PHF21B: variants seen among roughly 807,000 people sequenced by gnomAD.
PHF21B encodes the protein PHD finger protein 21B.
Under a neutral mutation model 62.2 loss-of-function variants are expected in PHF21B, and 22 were observed. The observed-to-expected ratio is 0.35, with a 90% CI of 0.25 to 0.51. The LOEUF is 0.51. PHF21B is among the 20% of genes least tolerant of loss of function. PHF21B has a pLI of 0.97. For missense variants in PHF21B, 701 were observed against 707.9 expected (o/e 0.99, Z 0.11); for synonymous variants, 341 against 314.7 (o/e 1.08, Z -0.88).
At chr22:44,937,518 G>A (rs570300387) in intron 2 of PHF21B, among the ~76,000 whole-genome samples, 1 of 152,316 alleles carries the variant, frequency 6.6e-6, no homozygotes, top group African/African-American at 2.4e-5. Flanking sequence ...AAATAGTTGG[G>A]TCATTTCTTA....
At chr22:44,962,679 C>G (rs2072447674) in intron 2 of PHF21B, among the ~76,000 whole-genome samples, 1 of 152,218 alleles carries the variant, frequency 6.6e-6, no homozygotes. Flanking sequence ...CTGACAAATA[C>G]AAGCTGGGTC....
intron 2 of PHF21B, among the ~76,000 whole-genome samples, chr22:45,005,208 T>C (rs750924751): frequency 1.1e-4 from 17 of 152,270 alleles, no homozygotes; most frequent in South Asian, 2.1e-4. Flanking sequence ...GAGCAGCTAA[T>C]GGAGTCTTCA....
In PHF21B at chr22:44,896,174, G is replaced by C; in HGVS notation, c.832-91C>G. 1.3e-5 allele frequency: 18 copies of C among 1,414,194 alleles called. No individual in the cohort carries two copies. In the South Asian group the frequency reaches 2.0e-4, roughly 15 times the overall value. 87.6% of individuals were successfully genotyped at this position (1,414,194 alleles called of 1,614,324 possible). ...ACATCTGCTGTGGCAGGTGCAGGGC[G>C]ATACCTCATGGGTGCCCTAACCACA... On this transcript the variant is annotated intron_variant, in intron 5 of 12. Coordinates refer to ENST00000313237, the MANE Select transcript of PHF21B (RefSeq NM_138415.5).
intron 2 of PHF21B, among the ~76,000 whole-genome samples, chr22:44,968,504 C>T (rs895412033): frequency 3.3e-5 from 5 of 151,946 alleles, no homozygotes; most frequent in African/African-American, 1.2e-4. Context: ...AGTAGCCGAG[C>T]GTGGTGGCAC....
chr22:44,926,055 C>A (rs1432341046), intron 2 of PHF21B, among the ~76,000 whole-genome samples: 1 of 66,686 alleles, frequency 1.5e-5, no homozygotes, highest in Non-Finnish European at 4.3e-5. Context: ...CGTGGCCCGG[C>A]CTGCAGTGGA....
At chr22:44,940,236 C>T (rs765342013) in intron 2 of PHF21B, among the ~76,000 whole-genome samples, 38 of 152,322 alleles carry the variant, frequency 2.5e-4, no homozygotes, top group Non-Finnish European at 4.7e-4. Flanking sequence ...CAAGCCTGTC[C>T]ACACCCTCCA....
intron 2 of PHF21B, among the ~76,000 whole-genome samples, chr22:44,947,971 G>GCCTCCACCCCGCTGTTGTC (rs2072109363): frequency 7.3e-6 from 1 of 136,552 alleles, no homozygotes; most frequent in Non-Finnish European, 1.6e-5. Context: ...GGGCGCCAGA[G>GCCTCCACCCCGCTGTTGTC]CCTCCTCCCC....
chr22:44,995,543 C>T (rs1284470694), intron 2 of PHF21B, among the ~76,000 whole-genome samples: 1 of 152,148 alleles, frequency 6.6e-6, no homozygotes, highest in Non-Finnish European at 1.5e-5. Flanking sequence ...TCCCAGGAGT[C>T]TGGGGCTCAC....
At chr22:44,897,648 T>C (rs902715610) in intron 5 of PHF21B, among the ~76,000 whole-genome samples, 5 of 152,188 alleles carry the variant, frequency 3.3e-5, no homozygotes, top group Admixed American at 3.3e-4. Context: ...TTATCTTTTA[T>C]TTATGGGGCT....
chr22:44,954,870 G>C lies in PHF21B; in HGVS notation c.121-34380C>G, dbSNP rs1341615533. Reference sequence around the variant, plus strand: ...TCCGAAGTCGGGCTTTGAAGGAAGAGGCAAATCTTGCCAGGTGGCACAGAG... The same window carrying C: ...TCCGAAGTCGGGCTTTGAAGGAAGACGCAAATCTTGCCAGGTGGCACAGAG... On this transcript the variant is annotated intron_variant, in intron 2 of 12. Transcript: ENST00000313237. 2.6e-5 allele frequency among the ~76,000 whole-genome samples: 4 copies of C among 152,334 alleles called. No individual in the cohort carries two copies. In the South Asian group the frequency reaches 8.3e-4, roughly 32 times the overall value.
At chr22:44,957,402 C>T (rs1045042395) in intron 2 of PHF21B, among the ~76,000 whole-genome samples, 7 of 152,234 alleles carry the variant, frequency 4.6e-5, no homozygotes, top group African/African-American at 9.6e-5. Context: ...CCTGGGCTGC[C>T]GCACAGGGCT....
At chr22:45,007,704 AGCGCGGGGAAGGGGCGGGTG>A (rs1245877727) in intron 2 of PHF21B, among the ~76,000 whole-genome samples, 5 of 28,064 alleles carry the variant, frequency 1.8e-4, no homozygotes, top group African/African-American at 2.6e-4. Flanking sequence ...CGGGTGTGCG[AGCGCGGGGAAGGGGCGGGTG>A]TGCGAGTGCG....
chr22:44,979,344 A>C (rs1331813728), intron 2 of PHF21B, among the ~76,000 whole-genome samples: 2 of 151,932 alleles, frequency 1.3e-5, no homozygotes, highest in East Asian at 3.9e-4. Context: ...AGCAGCCAAC[A>C]CTCCAGAGGC....
chr22:44,887,859 C>T lies in PHF21B; in HGVS notation c.1197+104G>A, dbSNP rs569382668. On this transcript the variant is annotated intron_variant, in intron 10 of 12. Transcript: ENST00000313237. The stretch of plus-strand genomic sequence containing the variant: ...ATTGTGCTGAGGTTGAAAAAGCCTT[C>T]CTATACCCAAGCCCCTTTTTTCACC... The T allele has an allele frequency of 5.9e-4, 732 of 1,243,046 alleles. 2 individuals carry two copies. Among genetic ancestry groups the T allele is most frequent in the Non-Finnish European group, 5.7e-4 (547 of 967,334 alleles). The allele number at this position is 1,243,046 out of a possible 1,614,324, so 77.0% of individuals were successfully genotyped here. A position where few individuals can be genotyped will look rare whatever the true frequency, so the allele number is the denominator to read the frequency against.
intron 2 of PHF21B, among the ~76,000 whole-genome samples, chr22:44,961,705 G>A (rs2072424175): frequency 6.6e-6 from 1 of 151,998 alleles, no homozygotes; most frequent in Admixed American, 6.6e-5. Context: ...GCCAGGCGTG[G>A]TGGTGCACCC....
intron 2 of PHF21B, among the ~76,000 whole-genome samples, chr22:44,964,884 C>T (rs2072494203): frequency 6.6e-6 from 1 of 152,236 alleles, no homozygotes; most frequent in Non-Finnish European, 1.5e-5. Context: ...ACCAAACCTG[C>T]TCTTGCTGCC....
chr22:44,882,975 AATTTTTGT>A lies in PHF21B; in HGVS notation c.*103_*110del, dbSNP rs199532307. 2.0e-3 allele frequency: 2,521 copies of A among 1,268,920 alleles called. 41 individuals are homozygous for A. In the East Asian group the frequency reaches 0.04, roughly 20 times the overall value. 78.6% of individuals were successfully genotyped at this position (1,268,920 alleles called of 1,614,324 possible). Reference sequence around the variant, plus strand: ...CCTCCCTCCTCTCCTCTGTCTGGTTAATTTTTGTCTGAAATTCATAGTGTTTATGAATT... The same window carrying A: ...CCTCCCTCCTCTCCTCTGTCTGGTTACTGAAATTCATAGTGTTTATGAATT... On this transcript the variant is annotated 3_prime_UTR_variant, in exon 13 of 13. Coordinates refer to ENST00000313237, the MANE Select transcript of PHF21B (RefSeq NM_138415.5).
At chr22:45,007,262 A>T (rs2073334139) in intron 2 of PHF21B, among the ~76,000 whole-genome samples, 1 of 151,344 alleles carries the variant, frequency 6.6e-6, no homozygotes, top group African/African-American at 2.4e-5. Context: ...GCCCCCTCCC[A>T]TCACTTTTTA....
intron 2 of PHF21B, among the ~76,000 whole-genome samples, chr22:44,985,138 C>A (rs1002558253): frequency 2.6e-5 from 4 of 152,192 alleles, no homozygotes; most frequent in African/African-American, 9.7e-5. Context: ...TAAACACACA[C>A]AAGCATCTTG....
Sources: gnomAD v4.1 joint callset for allele counts (sites outside exome capture counted in the v4.1 genomes callset) on GRCh38, gnomAD v4.1.1 for gene constraint, MANE v1.5 for transcripts, NCBI Gene and HGNC (gene_info 2026-07-23, HGNC 2026-07-21) for gene names.